ESCO1: variants seen among roughly 807,000 people sequenced by gnomAD.
ESCO1 encodes the protein establishment of sister chromatid cohesion N-acetyltransferase 1.
In ESCO1, 33 loss-of-function variants were observed where a neutral mutation model predicts 83.5. The ratio of observed to expected loss-of-function variants is 0.40; its 90% CI spans 0.30 to 0.53. ESCO1 has a LOEUF of 0.53. ESCO1 is among the 20% of genes least tolerant of loss of function. ESCO1 has a pLI of 0.63. For missense variants in ESCO1, 855 were observed against 968.0 expected (o/e 0.88, Z 1.55); for synonymous variants, 332 against 324.3 (o/e 1.02, Z -0.25).
At chr18:21,567,937 C>T (rs1164251949) in intron 5 of ESCO1, 43 bp downstream of exon 5, 1 of 1,451,032 alleles carries the variant, frequency 6.9e-7, no homozygotes, top group Admixed American at 1.8e-5. Flanking sequence ...ACAAAAATGT[C>T]ACTGAAGACT....
intron 2 of ESCO1, among the ~76,000 whole-genome samples, chr18:21,576,239 G>A (rs957482291): frequency 1.3e-5 from 2 of 152,194 alleles, no homozygotes; most frequent in African/African-American, 4.8e-5. Context: ...CCCAGTTGTG[G>A]TGGCTCACAC....
At position 21,573,489 on chromosome 18, in the gene ESCO1, T is replaced by C; in HGVS notation, c.1355A>G (p.Gln452Arg). ...KLHDRNITCQ[Q>R]EKMKEINSEE... ...AGAATTAATTTCTTTCATTTTTTCCTGCTGGCAAGTTATATTTCTATCATG... is the reference window on the plus strand; with the variant it reads ...AGAATTAATTTCTTTCATTTTTTCCCGCTGGCAAGTTATATTTCTATCATG... The change falls in exon 4 of 12, where the codon CAG becomes CGG. Residue 452 changes from glutamine (Q) to arginine (R), a missense_variant. This residue lies in a region of ESCO1 where 726 missense variants were observed against 699.5 expected (regional missense o/e 1.04). Transcript: ENST00000269214. The C allele has an allele frequency of 1.9e-6, 3 of 1,612,034 alleles. No homozygotes were observed. The highest frequency in any genetic ancestry group is 1.7e-6 in the Non-Finnish European group (2 of 1,179,574).
At chr18:21,577,456 C>A (rs1246543232) in intron 2 of ESCO1, among the ~76,000 whole-genome samples, 3 of 148,716 alleles carry the variant, frequency 2.0e-5, no homozygotes, top group Non-Finnish European at 4.4e-5. Context: ...GTCAGGAGGT[C>A]GAGACCATCC....
rs182998788 is a variant in ESCO1, at chr18:21,561,824, T to A, written c.1822-834A>T. 2.6e-5 allele frequency among the ~76,000 whole-genome samples: 4 copies of A among 152,232 alleles called. No homozygotes were observed. The East Asian group carries it at 7.8e-4, about 30-fold the overall frequency. On this transcript the variant is annotated intron_variant, in intron 7 of 11. Transcript: ENST00000269214. ...CTCAAGCGATCCTCCTGCCTCGGCC[T>A]CCTAAAGTGCTAGGATTACAGGTGT...
At chr18:21,594,882 T>C (rs1055294817) in intron 1 of ESCO1, among the ~76,000 whole-genome samples, 2 of 151,724 alleles carry the variant, frequency 1.3e-5, no homozygotes, top group Non-Finnish European at 2.9e-5. Flanking sequence ...TTTGTTTAAT[T>C]TAACAACTCG....
intron 2 of ESCO1, among the ~76,000 whole-genome samples, chr18:21,581,094 G>A (rs372296770): frequency 6.6e-6 from 1 of 152,030 alleles, no homozygotes; most frequent in Non-Finnish European, 1.5e-5. Flanking sequence ...GGCTCATCAC[G>A]AGGTCAGGAG....
intron 1 of ESCO1, among the ~76,000 whole-genome samples, chr18:21,585,340 T>C (rs1453570142): frequency 6.6e-6 from 1 of 152,214 alleles, no homozygotes; most frequent in Non-Finnish European, 1.5e-5. Flanking sequence ...TATACTTCCC[T>C]GACCTGATCG....
At chr18:21,566,312 A>G in intron 5 of ESCO1, 106 bp from the exon 6 acceptor site, 1 of 970,684 alleles carries the variant, frequency 1.0e-6, no homozygotes, top group African/African-American at 1.7e-5. Flanking sequence ...AATGCATTAA[A>G]TGACTTATTT....
Position 21,551,438 on chromosome 18 carries a change from G to GA in ESCO1, c.1953+9420dup, listed in dbSNP as rs377438956. Among the ~76,000 whole-genome samples the GA allele has an allele frequency of 3.3e-3, 489 of 147,464 alleles. 1 individual carries two copies. Among genetic ancestry groups the GA allele is most frequent in the African/African-American group, 0.012 (465 of 40,288 alleles). ...AGAGCGAGACTCCGTCTCAAAAAAA[G>GA]AAAAAAAAAAGAAACTCAATGTCTA... On this transcript the variant is annotated intron_variant, in intron 8 of 11. Coordinates refer to ENST00000269214, the MANE Select transcript of ESCO1 (RefSeq NM_052911.3).
At chr18:21,590,954 A>C (rs994832392) in intron 1 of ESCO1, among the ~76,000 whole-genome samples, 1 of 143,052 alleles carries the variant, frequency 7.0e-6, no homozygotes, top group Non-Finnish European at 1.5e-5. Flanking sequence ...AAGAAAAAAA[A>C]AAAAGAAAAA....
chr18:21,575,506 AC>A (rs2038407787), intron 3 of ESCO1, 76 bp from the exon 4 acceptor site: 1 of 398,294 alleles, frequency 2.5e-6, no homozygotes, highest in Admixed American at 4.4e-5. Flanking sequence ...CACAGAAATA[AC>A]CTTGATTTAA....
intron 1 of ESCO1, among the ~76,000 whole-genome samples, chr18:21,585,714 T>C (rs538033223): frequency 1.9e-3 from 295 of 152,266 alleles, no homozygotes; most frequent in Middle Eastern, 6.8e-3. Context: ...CATCTCAGCC[T>C]CCTGAGTAGC....
intron 8 of ESCO1, among the ~76,000 whole-genome samples, chr18:21,558,280 A>G (rs973733177): frequency 2.5e-4 from 38 of 152,160 alleles, no homozygotes; most frequent in African/African-American, 8.4e-4. Flanking sequence ...GAATACAGTA[A>G]GAAAAAATTT....
intron 1 of ESCO1, among the ~76,000 whole-genome samples, chr18:21,595,654 C>T (rs1478862091): frequency 1.4e-5 from 2 of 146,572 alleles, no homozygotes; most frequent in East Asian, 2.0e-4. Flanking sequence ...GGCAACAGAG[C>T]GAGACTCCGA....
At chr18:21,588,890 CAAAT>C (rs774890804) in intron 1 of ESCO1, among the ~76,000 whole-genome samples, 22 of 151,822 alleles carry the variant, frequency 1.4e-4, no homozygotes, top group African/African-American at 5.1e-4. Flanking sequence ...GACTCTGTGT[CAAAT>C]AAATAAATAA....
At chr18:21,579,141 T>C (rs913682916) in intron 2 of ESCO1, among the ~76,000 whole-genome samples, 5 of 152,056 alleles carry the variant, frequency 3.3e-5, no homozygotes, top group African/African-American at 9.7e-5. Flanking sequence ...ATTACAGGCA[T>C]GAGCCACTGC....
Position 21,574,411 on chromosome 18 carries a change from C to T in ESCO1, c.433G>A (p.Val145Ile). 2 of 1,614,118 alleles carry T rather than the reference C, an allele frequency of 1.2e-6. No individual in the cohort carries two copies. Among genetic ancestry groups the T allele is most frequent in the Non-Finnish European group, 1.7e-6 (2 of 1,180,030 alleles). The change falls in exon 4 of 12, where the codon GTT becomes ATT. Residue 145 changes from valine (V) to isoleucine (I), a missense_variant. Physicochemically the swap from Val to Ile is conservative, Grantham distance 29 (BLOSUM62 3). This residue lies in a region of ESCO1 where 726 missense variants were observed against 699.5 expected (regional missense o/e 1.04). Coordinates refer to ENST00000269214, the MANE Select transcript of ESCO1 (RefSeq NM_052911.3). ...SLRSREIQGQ[V>I]QAVKQSLPPT... ...GGCAAACTCTGTTTAACTGCTTGAA[C>T]TTGACCCTGAATTTCTCTACTGCGT...
At chr18:21,576,569 T>C (rs766304005) in intron 2 of ESCO1, among the ~76,000 whole-genome samples, 1 of 152,020 alleles carries the variant, frequency 6.6e-6, no homozygotes, top group Non-Finnish European at 1.5e-5. Flanking sequence ...AACAAGACAG[T>C]AGAAGATAAA....
chr18:21,573,981 C>T lies in ESCO1; in HGVS notation c.863G>A (p.Ser288Asn), dbSNP rs1158853409. ...KSPQPSVPEQ[S>N]DNELEQAGKS... Reference sequence around the variant, plus strand: ...TCCTGCTTGCTCCAGCTCATTATCACTTTGTTCAGGCACTGATGGCTGTGG... The same window carrying T: ...TCCTGCTTGCTCCAGCTCATTATCATTTTGTTCAGGCACTGATGGCTGTGG... The change falls in exon 4 of 12, where the codon AGT becomes AAT. Residue 288 changes from serine to asparagine, a missense_variant. Around this residue, in one of 2 missense-constraint regions of ESCO1, gnomAD observed 726 missense variants for 699.5 expected, o/e 1.04. Coordinates refer to ENST00000269214, the MANE Select transcript of ESCO1 (RefSeq NM_052911.3). The T allele has an allele frequency of 7.4e-6, 12 of 1,613,746 alleles. No individual in the cohort carries two copies. In the South Asian group the frequency reaches 1.3e-4, roughly 18 times the overall value.
Sources: allele counts gnomAD v4.1 joint callset (sites outside exome capture counted in the v4.1 genomes callset), GRCh38; gene constraint gnomAD v4.1.1; regional missense constraint gnomAD v4.1.1; transcripts MANE v1.5; gene names NCBI Gene and HGNC (gene_info 2026-07-23, HGNC 2026-07-21).